CFAP43: variants seen among roughly 807,000 people sequenced by gnomAD.
CFAP43 encodes the protein cilia and flagella associated protein 43.
A neutral mutation model predicts 218.9 loss-of-function variants in CFAP43; 155 were observed. The ratio of observed to expected loss-of-function variants is 0.71; its 90% CI spans 0.62 to 0.81. The LOEUF (loss-of-function observed/expected upper bound fraction) is 0.81, where lower values mean the gene tolerates loss of function less well. Among genes scored for constraint, CFAP43 ranks in the 30% least tolerant of loss-of-function variants. The pLI is 0.00. For missense variants in CFAP43, 1,778 were observed against 1,954.3 expected, an observed-to-expected ratio of 0.91 and a Z score of 1.70; for synonymous variants, 645 against 681.3, an observed-to-expected ratio of 0.95 and a Z score of 0.83.
At chr10:104,231,062 C>T (rs1352830722) in intron 1 of CFAP43, among the ~76,000 whole-genome samples, 1 of 152,100 alleles carries the variant, frequency 6.6e-6, no homozygotes, top group African/African-American at 2.4e-5. Context: ...CGTAGGTCTC[C>T]CAGGCCTTCT....
intron 35 of CFAP43, among the ~76,000 whole-genome samples, chr10:104,133,243 G>T (rs1052857322): frequency 2.0e-5 from 3 of 152,180 alleles, no homozygotes; most frequent in Non-Finnish European, 4.4e-5. Flanking sequence ...CGGCTATATT[G>T]AAGTGTTAGA....
intron 8 of CFAP43, among the ~76,000 whole-genome samples, chr10:104,200,600 G>A (rs751030036): frequency 2.0e-5 from 3 of 150,660 alleles, no homozygotes; most frequent in Non-Finnish European, 4.4e-5. Context: ...GAACCTGGGA[G>A]GTGGAGGTTG....
chr10:104,182,846 GGAC>G (rs2089899240), intron 16 of CFAP43, among the ~76,000 whole-genome samples: 5 of 152,030 alleles, frequency 3.3e-5, no homozygotes, highest in Non-Finnish European at 7.4e-5. Flanking sequence ...AGAGTAGCTG[GGAC>G]TACAGGGGTA....
Position 104,162,137 on chromosome 10 carries a change from T to C in CFAP43, c.3334-96A>G. 2.2e-6 allele frequency: 3 copies of C among 1,357,972 alleles called. No individual in the cohort carries two copies. The South Asian group carries it at 3.8e-5, about 17-fold the overall frequency. 84.1% of individuals were successfully genotyped at this position (1,357,972 alleles called of 1,614,324 possible). A position where few individuals can be genotyped will look rare whatever the true frequency, so the allele number is the denominator to read the frequency against. On this transcript the variant is annotated intron_variant, in intron 25 of 37. Coordinates refer to ENST00000357060, the MANE Select transcript of CFAP43 (RefSeq NM_025145.7). Reference sequence around the variant, plus strand: ...GCTTCCCACCCAACATTAGAATGACTGCATTTGGGATTGGGGAAGGTAGGT... The same window carrying C: ...GCTTCCCACCCAACATTAGAATGACCGCATTTGGGATTGGGGAAGGTAGGT...
At position 104,185,095 on chromosome 10, in the gene CFAP43, ACTG is replaced by A; in HGVS notation, c.2059_2061del (p.Gln687del). 2 of 1,614,130 alleles carry A rather than the reference ACTG, an allele frequency of 1.2e-6. No individual in the cohort carries two copies. Among genetic ancestry groups the A allele is most frequent in the Non-Finnish European group, 1.7e-6 (2 of 1,180,012 alleles). On this transcript the variant is annotated inframe_deletion, in exon 16 of 38. Coordinates refer to ENST00000357060, the MANE Select transcript of CFAP43 (RefSeq NM_025145.7). ...TGTCCATCCATTGAAATTCTCATTG[ACTG>A]AATCCCATGACCCTGGTGAGAATGA...
At chr10:104,136,886 A>G (rs2087478570) in intron 34 of CFAP43, among the ~76,000 whole-genome samples, 1 of 152,222 alleles carries the variant, frequency 6.6e-6, no homozygotes, top group Non-Finnish European at 1.5e-5. Context: ...GTCATTAGTC[A>G]TTAGAGAAAT....
intron 34 of CFAP43, among the ~76,000 whole-genome samples, chr10:104,136,276 A>AAAAG (rs1554856620): frequency 0.069 from 9,291 of 133,948 alleles, 789 homozygotes; most frequent in African/African-American, 0.11. Context: ...AAAAAAAAAA[A>AAAAG]AAGAAGAAAA....
At chr10:104,168,034 C>A (rs1310858234) in intron 21 of CFAP43, among the ~76,000 whole-genome samples, 2 of 152,076 alleles carry the variant, frequency 1.3e-5, no homozygotes, top group African/African-American at 4.8e-5. Flanking sequence ...AGACATTTGG[C>A]AACTTTTTTT....
intron 20 of CFAP43, among the ~76,000 whole-genome samples, chr10:104,171,487 C>T (rs903848682): frequency 2.0e-5 from 3 of 152,152 alleles, no homozygotes; most frequent in Non-Finnish European, 4.4e-5. Flanking sequence ...GTGGAAACCT[C>T]CCTCCTAGAG....
chr10:104,133,043 A>T (rs998869205), intron 35 of CFAP43, among the ~76,000 whole-genome samples: 18 of 152,216 alleles, frequency 1.2e-4, no homozygotes, highest in African/African-American at 3.4e-4. Context: ...TAGATTTGGG[A>T]TGTACAAAAA....
chr10:104,137,944 C>T (rs1247684727), intron 34 of CFAP43, among the ~76,000 whole-genome samples: 1 of 152,038 alleles, frequency 6.6e-6, no homozygotes, highest in Non-Finnish European at 1.5e-5. Context: ...TGTATTATAC[C>T]ACAATAAAAA....
intron 34 of CFAP43, among the ~76,000 whole-genome samples, chr10:104,138,630 G>C (rs901688308): frequency 6.6e-6 from 1 of 151,434 alleles, no homozygotes. Context: ...ACCTGAGATA[G>C]TGCCATTGCA....
intron 20 of CFAP43, among the ~76,000 whole-genome samples, chr10:104,170,929 G>C (rs1382077993): frequency 6.6e-6 from 1 of 152,118 alleles, no homozygotes; most frequent in Non-Finnish European, 1.5e-5. Flanking sequence ...CTGGTGTGCT[G>C]TTCCTGGAAT....
chr10:104,183,536 C>A (rs1047267142), intron 16 of CFAP43, among the ~76,000 whole-genome samples: 5 of 151,972 alleles, frequency 3.3e-5, no homozygotes, highest in Non-Finnish European at 7.4e-5. Context: ...ACTACAGGCG[C>A]CCGCCACCGC....
intron 1 of CFAP43, 50 bp from the exon 2 acceptor site, chr10:104,230,893 T>C (rs770444605): frequency 1.3e-5 from 19 of 1,513,486 alleles, no homozygotes; most frequent in Admixed American, 2.3e-5. Context: ...CAAATACTTT[T>C]TTTTTTTTAA....
At chr10:104,202,599 A>G (rs892299332) in intron 8 of CFAP43, among the ~76,000 whole-genome samples, 2 of 152,118 alleles carry the variant, frequency 1.3e-5, no homozygotes, top group Non-Finnish European at 2.9e-5. Flanking sequence ...ATTCTGAATA[A>G]CTTCTGATCT....
chr10:104,230,320 C>G (rs1319356714), intron 2 of CFAP43, among the ~76,000 whole-genome samples: 2 of 151,936 alleles, frequency 1.3e-5, no homozygotes, highest in African/African-American at 4.8e-5. Flanking sequence ...CAAAAATTAG[C>G]TGGGCGTGGT....
chr10:104,210,783 CTTTTTTTT>C (rs68153454), intron 5 of CFAP43, among the ~76,000 whole-genome samples: 1 of 75,462 alleles, frequency 1.3e-5, no homozygotes, highest in African/African-American at 5.8e-5. Context: ...GTGAAACACT[CTTTTTTTT>C]TTTTTTTTTT....
intron 19 of CFAP43, among the ~76,000 whole-genome samples, chr10:104,173,408 C>T (rs1360613847): frequency 3.9e-5 from 6 of 152,292 alleles, no homozygotes; most frequent in African/African-American, 7.2e-5. Flanking sequence ...CACTCAACAA[C>T]GAGTGGAAGC....
Sources: allele counts gnomAD v4.1 joint callset (sites outside exome capture counted in the v4.1 genomes callset), GRCh38; gene constraint gnomAD v4.1.1; transcripts MANE v1.5; gene names NCBI Gene and HGNC (gene_info 2026-07-23, HGNC 2026-07-21).